The following RNF14 variants were observed in gnomAD, a reference collection of about 807,000 sequenced individuals.
RNF14 encodes E3 ubiquitin-protein ligase RNF14.
In RNF14, 26 loss-of-function variants were observed where a neutral mutation model predicts 52.6. The ratio of observed to expected loss-of-function variants is 0.49; its 90% CI spans 0.36 to 0.69. The LOEUF (loss-of-function observed/expected upper bound fraction) is 0.69, where lower values mean the gene tolerates loss of function less well. Among genes scored for constraint, RNF14 ranks in the 30% least tolerant of loss-of-function variants. The pLI, the probability that RNF14 is intolerant of heterozygous loss-of-function variation, is 0.00. For synonymous variants in RNF14, 194 were observed against 202.0 expected, an observed-to-expected ratio of 0.96 and a Z score of 0.34; for missense variants, 404 against 560.4, an observed-to-expected ratio of 0.72 and a Z score of 2.82.
chr5:141,953,642 C>T (rs535289447), upstream of RNF14, among the ~76,000 whole-genome samples: 17 of 152,376 alleles, frequency 1.1e-4, no homozygotes, highest in South Asian at 3.5e-3. Flanking sequence ...GGCCTATTCT[C>T]TGTTGTCCTG....
At chr5:141,970,980 AAAATG>A (rs1258114806) in intron 2 of RNF14, 103 bp downstream of exon 2, 11 of 152,376 alleles carry the variant, frequency 7.2e-5, no homozygotes, top group African/African-American at 2.2e-4. Context: ...GTGTTTTTTG[AAAATG>A]AAATCATTTT....
chr5:141,980,696 C>T (rs1325058716), intron 6 of RNF14, among the ~76,000 whole-genome samples: 1 of 152,120 alleles, frequency 6.6e-6, no homozygotes, highest in Non-Finnish European at 1.5e-5. Flanking sequence ...CAGGGGAGGC[C>T]TCACCGGCAA....
chr5:141,984,971 T>G (rs1755110003), intron 8 of RNF14, 38 bp downstream of exon 8: 1 of 1,578,370 alleles, frequency 6.3e-7, no homozygotes, highest in Admixed American at 1.7e-5. Flanking sequence ...CACCAGCAAT[T>G]TTTGGTACTT....
At chr5:141,972,898 T>G (rs1347060353) in intron 2 of RNF14, among the ~76,000 whole-genome samples, 1 of 152,120 alleles carries the variant, frequency 6.6e-6, no homozygotes, top group East Asian at 2.0e-4. Context: ...GCAAATTAAC[T>G]TAAGAAAGGA....
rs758895817 is a variant in RNF14, at chr5:141,983,452, A to G, written c.1136A>G (p.Tyr379Cys). 4 of 1,613,840 alleles carry G rather than the reference A, an allele frequency of 2.5e-6. No individual in the cohort carries two copies. Among genetic ancestry groups the G allele is most frequent in the Non-Finnish European group, 3.4e-6 (4 of 1,179,902 alleles). The change falls in exon 7 of 9, where the codon TAT (tyrosine) becomes TGT (cysteine). Residue 379 changes from tyrosine (Y) to cysteine (C), a missense_variant. By Grantham distance (194) the Tyr-to-Cys change is radical. Coordinates refer to ENST00000394520, the MANE Select transcript of RNF14 (RefSeq NM_004290.5). Reference protein sequence around the residue: ...EANKRLLDQRYGKRVIQKALE... With the variant: ...EANKRLLDQRCGKRVIQKALE... ...AATAAAAGACTTTTGGATCAAAGGTATGGTAAGAGAGTGATTCAGAAGGCA... is the reference window on the plus strand; with the variant it reads ...AATAAAAGACTTTTGGATCAAAGGTGTGGTAAGAGAGTGATTCAGAAGGCA...
upstream of RNF14, chr5:141,956,417 G>A (rs1753185377): frequency 6.2e-7 from 1 of 1,614,110 alleles, no homozygotes; most frequent in Non-Finnish European, 8.5e-7. Context: ...ATGGTAATGA[G>A]GTGAAGAGAG....
upstream of RNF14, chr5:141,956,934 C>T (rs1753194889): frequency 6.2e-7 from 1 of 1,614,034 alleles, no homozygotes; most frequent in Non-Finnish European, 8.5e-7. Context: ...GAGGTCGACG[C>T]AGAATGACCT....
the RNF14 span, among the ~76,000 whole-genome samples, chr5:141,951,260 A>G: frequency 1.3e-5 from 2 of 152,160 alleles, no homozygotes; most frequent in African/African-American, 4.8e-5. Context: ...TATTGATGGT[A>G]TTTATCAATA....
intron 3 of RNF14, 113 bp from the exon 4 acceptor site, chr5:141,974,691 A>C: frequency 1.0e-6 from 1 of 962,366 alleles, no homozygotes; most frequent in Non-Finnish European, 1.5e-6. Context: ...GCTTTGGGGG[A>C]GGGTTTTTAT....
At chr5:141,952,049 A>G in the RNF14 span, among the ~76,000 whole-genome samples, 1 of 152,234 alleles carries the variant, frequency 6.6e-6, no homozygotes, top group African/African-American at 2.4e-5. Flanking sequence ...GGTGTCATTG[A>G]ATTATTCATT....
chr5:141,971,591 C>T lies in RNF14; in HGVS notation c.-7+714C>T, dbSNP rs1184904153. Among the ~76,000 whole-genome samples the T allele has an allele frequency of 3.7e-4, 41 of 112,138 alleles. 2 individuals are homozygous for T. The highest frequency in any genetic ancestry group is 1.4e-3 in the African/African-American group (37 of 25,838). 73.6% of individuals were successfully genotyped at this position (112,138 alleles called of 152,430 possible). On this transcript the variant is annotated intron_variant, in intron 2 of 8. Coordinates refer to ENST00000394520, the MANE Select transcript of RNF14 (RefSeq NM_004290.5). The stretch of plus-strand genomic sequence containing the variant: ...TCTTTCTTTCTTTCTTTCTTTCTTT[C>T]TTTCTTTCTTTCTTTCTTTCCTTTC...
At position 141,978,834 on chromosome 5, in the gene RNF14, ACTGTTTAC is replaced by A. The variant is rs746993764; in HGVS notation, c.834+6_834+13del. 1 of 1,612,422 alleles carries A rather than the reference ACTGTTTAC, an allele frequency of 6.2e-7. No individual in the cohort carries two copies. Among genetic ancestry groups the A allele is most frequent in the South Asian group, 1.1e-5 (1 of 91,028 alleles). On this transcript the variant is annotated splice_donor_5th_base_variant and intron_variant, in intron 5 of 8. Transcript: ENST00000394520. ...TTCGGTGGCCACTCCTGGTCAGGTA[ACTGTTTAC>A]CCTGCTGATGGTTGCCTCCTAATTC...
chr5:141,975,224 A>G (rs1754140173), intron 4 of RNF14, among the ~76,000 whole-genome samples: 2 of 152,104 alleles, frequency 1.3e-5, no homozygotes, highest in Admixed American at 6.5e-5. Flanking sequence ...TTGTCTTGCT[A>G]TTTTCCTGTT....
intron 5 of RNF14, among the ~76,000 whole-genome samples, chr5:141,979,733 T>TA (rs879586213): frequency 0.016 from 2,412 of 146,318 alleles, 65 homozygotes; most frequent in African/African-American, 0.056. Flanking sequence ...CTCCATGTCT[T>TA]AAAAAAAAAA....
chr5:141,988,466 T>C lies in RNF14; in HGVS notation c.*676T>C, dbSNP rs1755422001. 1 of 152,300 alleles carries C rather than the reference T, an allele frequency of 6.6e-6. No individual in the cohort carries two copies. The highest frequency in any genetic ancestry group is 1.5e-5 in the Non-Finnish European group (1 of 68,040). 9.4% of individuals were successfully genotyped at this position (152,300 alleles called of 1,614,324 possible). A position where few individuals can be genotyped will look rare whatever the true frequency, so the allele number is the denominator to read the frequency against. ...ATTAGTGGTGTATATGGTCCACTGG[T>C]TTCAGGCCAAATCTAGAATTTAGTG... is the stretch of plus-strand genomic sequence containing the variant. On this transcript the variant is annotated 3_prime_UTR_variant, in exon 9 of 9. Coordinates refer to ENST00000394520, the MANE Select transcript of RNF14 (RefSeq NM_004290.5).
intron 8 of RNF14, among the ~76,000 whole-genome samples, chr5:141,986,403 A>G (rs1329537045): frequency 6.6e-6 from 1 of 152,238 alleles, no homozygotes; most frequent in Non-Finnish European, 1.5e-5. Context: ...AAAACATTCT[A>G]CAAATGGAGG....
chr5:141,987,944 A>G lies in RNF14; in HGVS notation c.*154A>G. On this transcript the variant is annotated 3_prime_UTR_variant, in exon 9 of 9. Transcript: ENST00000394520. Reference sequence around the variant, plus strand: ...GAGGTTTATATTTTCATGTGGTACTACTGAAGAAGGTGCATTGATACATTT... The same window carrying G: ...GAGGTTTATATTTTCATGTGGTACTGCTGAAGAAGGTGCATTGATACATTT... 1.5e-6 allele frequency: 1 copy of G among 673,754 alleles called. No individual in the cohort carries two copies. Among genetic ancestry groups the G allele is most frequent in the East Asian group, 2.7e-5 (1 of 37,630 alleles). The allele number at this position is 673,754 out of a possible 1,614,324, so 41.7% of individuals were successfully genotyped here. A position where few individuals can be genotyped will look rare whatever the true frequency, so the allele number is the denominator to read the frequency against.
chr5:141,983,567 A>T lies in RNF14; in HGVS notation c.1236+15A>T. 6.2e-7 allele frequency: 1 copy of T among 1,602,028 alleles called. No homozygotes were observed. Among genetic ancestry groups the T allele is most frequent in the Non-Finnish European group, 8.5e-7 (1 of 1,176,388 alleles). ...CTCCCATAGAGGTAAATGTTTTGGG[A>T]CAGACTTGGAGGCCATCAGACTTGC... On this transcript the variant is annotated intron_variant, in intron 7 of 8. Coordinates refer to ENST00000394520, the MANE Select transcript of RNF14 (RefSeq NM_004290.5).
chr5:141,983,208 A>AT (rs1754934093), intron 6 of RNF14, among the ~76,000 whole-genome samples, 172 bp from the exon 7 acceptor site: 2 of 152,020 alleles, frequency 1.3e-5, no homozygotes, highest in African/African-American at 4.8e-5. Flanking sequence ...TAGAAATTTA[A>AT]TTTTTTTGCC....
Sources: allele counts gnomAD v4.1 joint callset (sites outside exome capture counted in the v4.1 genomes callset), GRCh38; gene constraint gnomAD v4.1.1; transcripts MANE v1.5; gene names NCBI Gene and HGNC (gene_info 2026-07-23, HGNC 2026-07-21).